Variants in EEFSEC observed in about 807,000 individuals in gnomAD.
EEFSEC encodes eukaryotic elongation factor, selenocysteine-tRNA specific.
Under a neutral mutation model 42.1 loss-of-function variants are expected in EEFSEC, and 43 were observed. That is an observed-to-expected ratio of 1.02 (90% CI 0.80 to 1.32). EEFSEC has a LOEUF of 1.32. Among genes scored for constraint, EEFSEC ranks in the 40% most tolerant of loss-of-function variants. EEFSEC has a pLI of 0.00. For synonymous variants in EEFSEC, 354 were observed against 339.1 expected, an observed-to-expected ratio of 1.04 and a Z score of -0.48; for missense variants, 745 against 803.6, an observed-to-expected ratio of 0.93 and a Z score of 0.88.
intron 1 of EEFSEC, among the ~76,000 whole-genome samples, chr3:128,179,682 T>C (rs1035808218): frequency 2.0e-5 from 3 of 152,220 alleles, no homozygotes; most frequent in South Asian, 4.1e-4. Context: ...GCAGACGGGC[T>C]TGCGTTAGCA....
intron 1 of EEFSEC, among the ~76,000 whole-genome samples, chr3:128,184,335 T>C (rs2065442791): frequency 1.3e-5 from 2 of 152,212 alleles, no homozygotes; most frequent in Non-Finnish European, 2.9e-5. Flanking sequence ...ATTACACACT[T>C]ACTCCTTATT....
rs1944293992 is a variant in EEFSEC at position 128,153,561 on chromosome 3, C to T, written c.54C>T (p.Ser18=). ...VNVGVLGHID[S]GKTALARALS... The stretch of plus-strand genomic sequence containing the variant: ...TGGGCGTGCTGGGCCACATCGACAG[C>T]GGCAAGACGGCGCTGGCGCGGGCGC... The change falls in exon 1 of 7, where the codon AGC becomes AGT. Residue 18 remains serine, a synonymous_variant. Coordinates refer to ENST00000254730, the MANE Select transcript of EEFSEC (RefSeq NM_021937.5). 1.3e-6 allele frequency: 2 copies of T among 1,534,706 alleles called. No individual in the cohort carries two copies. The highest frequency in any genetic ancestry group is 1.4e-5 in the African/African-American group (1 of 70,290).
At chr3:128,304,184 C>T (rs920568669) in intron 4 of EEFSEC, among the ~76,000 whole-genome samples, 5 of 150,816 alleles carry the variant, frequency 3.3e-5, no homozygotes, top group African/African-American at 1.2e-4. Flanking sequence ...TTCAGATGAA[C>T]TTTAATATTA....
At chr3:128,220,842 T>C (rs2065854721) in intron 1 of EEFSEC, among the ~76,000 whole-genome samples, 1 of 152,240 alleles carries the variant, frequency 6.6e-6, no homozygotes, top group Non-Finnish European at 1.5e-5. Context: ...GTTCTTATGC[T>C]ATCCCTGTGG....
At chr3:128,323,184 G>A (rs1423016729) in intron 4 of EEFSEC, among the ~76,000 whole-genome samples, 2 of 152,172 alleles carry the variant, frequency 1.3e-5, no homozygotes, top group African/African-American at 2.4e-5. Flanking sequence ...TACTTAGTTA[G>A]CTAAATCTCT....
At chr3:128,423,398 G>C in the EEFSEC span, among the ~76,000 whole-genome samples, 450 of 152,294 alleles carry the variant, frequency 3.0e-3, 2 homozygotes, top group African/African-American at 9.3e-3. Context: ...AGGATCGCCT[G>C]AGGCCAGGAG....
chr3:128,271,667 G>A (rs957776083), intron 4 of EEFSEC, among the ~76,000 whole-genome samples: 10 of 152,096 alleles, frequency 6.6e-5, no homozygotes, highest in African/African-American at 2.4e-4. Flanking sequence ...CCTCAGGAGG[G>A]ACCTCGCAGA....
At chr3:128,188,492 C>G (rs1194261387) in intron 1 of EEFSEC, among the ~76,000 whole-genome samples, 1 of 152,202 alleles carries the variant, frequency 6.6e-6, no homozygotes, top group African/African-American at 2.4e-5. Context: ...CCATGTTGCC[C>G]TCAGGCAAAA....
chr3:128,265,472 C>T (rs536906440), intron 4 of EEFSEC, among the ~76,000 whole-genome samples: 8 of 152,236 alleles, frequency 5.3e-5, no homozygotes, highest in East Asian at 1.9e-4. Context: ...TTACTTTATG[C>T]GACAAGAGAA....
intron 2 of EEFSEC, among the ~76,000 whole-genome samples, chr3:128,247,595 G>A (rs2066141362): frequency 1.3e-5 from 2 of 152,262 alleles, no homozygotes; most frequent in Admixed American, 1.3e-4. Flanking sequence ...CTGGAAGCCA[G>A]ACTAGGAAAC....
intron 6 of EEFSEC, among the ~76,000 whole-genome samples, chr3:128,392,385 TGCCCAC>T (rs1394558391): frequency 6.6e-5 from 10 of 152,194 alleles, no homozygotes; most frequent in Non-Finnish European, 1.5e-4. Flanking sequence ...ATGTGGGCCC[TGCCCAC>T]CAGGCATGCA....
intron 1 of EEFSEC, among the ~76,000 whole-genome samples, chr3:128,162,473 A>C (rs1162676774): frequency 6.6e-6 from 1 of 152,182 alleles, no homozygotes; most frequent in East Asian, 1.9e-4. Context: ...CATACACTGG[A>C]GTGCCTTTAA....
chr3:128,400,118 T>A (rs114870921), intron 6 of EEFSEC, among the ~76,000 whole-genome samples: 395 of 152,184 alleles, frequency 2.6e-3, no homozygotes, highest in Non-Finnish European at 4.1e-3. Flanking sequence ...TGGGGGCAGC[T>A]CCCTCTTGGC....
intron 6 of EEFSEC, among the ~76,000 whole-genome samples, chr3:128,389,386 C>T (rs2067881042): frequency 6.6e-6 from 1 of 152,266 alleles, no homozygotes; most frequent in Non-Finnish European, 1.5e-5. Flanking sequence ...GGCACCGTCT[C>T]AGCCATCCCA....
At chr3:128,410,039 G>A (rs72979309), downstream of EEFSEC, among the ~76,000 whole-genome samples, 2,901 of 152,292 alleles carry the variant, frequency 0.019, 90 homozygotes, top group African/African-American at 0.064. Context: ...AGTCAGCACC[G>A]AGCTGGGCTC....
chr3:128,314,912 G>A (rs1351021772), intron 4 of EEFSEC, among the ~76,000 whole-genome samples: 1 of 152,128 alleles, frequency 6.6e-6, no homozygotes, highest in Non-Finnish European at 1.5e-5. Flanking sequence ...TTAGTCCTGG[G>A]GCAGACCTGT....
chr3:128,381,203 G>C (rs2067772219), intron 6 of EEFSEC, among the ~76,000 whole-genome samples: 1 of 152,230 alleles, frequency 6.6e-6, no homozygotes, highest in East Asian at 1.9e-4. Flanking sequence ...CTTGGAGTCA[G>C]ACACCCTTGG....
chr3:128,218,447 A>G (rs991257713), intron 1 of EEFSEC, among the ~76,000 whole-genome samples: 1 of 152,232 alleles, frequency 6.6e-6, no homozygotes, highest in East Asian at 1.9e-4. Flanking sequence ...TTAAGCAAAC[A>G]GATGCGGCTA....
At chr3:128,366,529 A>AGAG (rs982979437) in intron 6 of EEFSEC, among the ~76,000 whole-genome samples, 11 of 152,096 alleles carry the variant, frequency 7.2e-5, no homozygotes, top group Non-Finnish European at 1.5e-4. Flanking sequence ...CTGAGGGCAC[A>AGAG]GAGGAGGAGG....
Sources: gnomAD v4.1 joint callset for allele counts (sites outside exome capture counted in the v4.1 genomes callset) on GRCh38, gnomAD v4.1.1 for gene constraint, MANE v1.5 for transcripts, NCBI Gene and HGNC (gene_info 2026-07-23, HGNC 2026-07-21) for gene names.